The following TENM3 variants were observed in gnomAD, a reference collection of about 807,000 sequenced individuals.
TENM3 encodes the protein teneurin transmembrane protein 3.
In TENM3, 63 loss-of-function variants were observed where a neutral mutation model predicts 255.1. The observed-to-expected ratio is 0.25, with a 90% CI of 0.20 to 0.30. The LOEUF (loss-of-function observed/expected upper bound fraction) is 0.30, where lower values mean the gene tolerates loss of function less well. TENM3 is among the 10% of genes least tolerant of loss of function. The pLI is 1.00. For synonymous variants in TENM3, 1,306 were observed against 1,322.3 expected, an observed-to-expected ratio of 0.99 and a Z score of 0.27; for missense variants, 2,929 against 3,461.1, an observed-to-expected ratio of 0.85 and a Z score of 3.86.
chr4:182,725,017 T>C (rs1760052020), intron 13 of TENM3, among the ~76,000 whole-genome samples: 1 of 151,594 alleles, frequency 6.6e-6, no homozygotes, highest in Non-Finnish European at 1.5e-5. Flanking sequence ...GATGGAAAGG[T>C]TGAGGTTTTA....
chr4:182,407,756 A>T (rs1048148947), intron 3 of TENM3, among the ~76,000 whole-genome samples: 9 of 152,238 alleles, frequency 5.9e-5, no homozygotes, highest in Non-Finnish European at 1.3e-4. Flanking sequence ...TTTAAAAAAG[A>T]CATCCCAATG....
At chr4:182,199,363 A>G (rs772321773) in intron 1 of TENM3, among the ~76,000 whole-genome samples, 2 of 152,162 alleles carry the variant, frequency 1.3e-5, no homozygotes, top group Admixed American at 6.5e-5. Flanking sequence ...CGGAGGTTGC[A>G]GTGAGCCAAG....
chr4:181,448,453 G>A, the TENM3 span, among the ~76,000 whole-genome samples: 1 of 151,918 alleles, frequency 6.6e-6, no homozygotes, highest in African/African-American at 2.4e-5. Context: ...TTACAGGCGT[G>A]AGCCACCGCG....
the TENM3 span, among the ~76,000 whole-genome samples, chr4:181,967,932 T>G: frequency 6.6e-6 from 1 of 152,280 alleles, no homozygotes; most frequent in Non-Finnish European, 1.5e-5. Context: ...GCTTTTCCTT[T>G]GTTGTGAGGC....
the TENM3 span, among the ~76,000 whole-genome samples, chr4:181,701,953 T>C: frequency 6.6e-6 from 1 of 152,182 alleles, no homozygotes; most frequent in African/African-American, 2.4e-5. Context: ...GCTGGGTCCT[T>C]GTCCAGTTTG....
chr4:182,061,051 A>G, the TENM3 span, among the ~76,000 whole-genome samples: 3 of 152,202 alleles, frequency 2.0e-5, no homozygotes, highest in African/African-American at 7.2e-5. Context: ...GAGGTTGCAC[A>G]TACGTGATTC....
chr4:182,103,119 A>T, the TENM3 span, among the ~76,000 whole-genome samples: 1 of 152,272 alleles, frequency 6.6e-6, no homozygotes. Context: ...CATGGGAATT[A>T]CACTAAACTG....
chr4:182,679,972 T>C (rs1175516386), intron 8 of TENM3, 96 bp downstream of exon 8: 7 of 1,124,980 alleles, frequency 6.2e-6, no homozygotes, highest in Non-Finnish European at 7.7e-6. Context: ...GGGTAATTCC[T>C]AGGGTGTTAA....
chr4:182,023,058 T>C, the TENM3 span, among the ~76,000 whole-genome samples: 3 of 152,246 alleles, frequency 2.0e-5, no homozygotes, highest in South Asian at 6.2e-4. Context: ...TATGTACCTT[T>C]GTTTAAGCAG....
At chr4:181,757,243 A>C in the TENM3 span, among the ~76,000 whole-genome samples, 2 of 152,230 alleles carry the variant, frequency 1.3e-5, no homozygotes, top group Admixed American at 6.5e-5. Context: ...CTTCACCAGC[A>C]GCACACCTTC....
At chr4:181,936,482 C>A in the TENM3 span, among the ~76,000 whole-genome samples, 1 of 151,936 alleles carries the variant, frequency 6.6e-6, no homozygotes, top group African/African-American at 2.4e-5. Context: ...TGTGAGTCAT[C>A]TCTTTCGCCT....
chr4:182,482,888 C>T (rs1454212766), intron 3 of TENM3, among the ~76,000 whole-genome samples: 2 of 152,056 alleles, frequency 1.3e-5, no homozygotes, highest in African/African-American at 4.8e-5. Context: ...GAGTGTAGAC[C>T]TTCAATATAT....
chr4:181,939,716 C>G, the TENM3 span, among the ~76,000 whole-genome samples: 1 of 152,190 alleles, frequency 6.6e-6, no homozygotes, highest in Non-Finnish European at 1.5e-5. Context: ...GTGCGGGGCG[C>G]TCAGCACATG....
chr4:181,751,851 C>A, the TENM3 span, among the ~76,000 whole-genome samples: 1 of 152,008 alleles, frequency 6.6e-6, no homozygotes, highest in Admixed American at 6.6e-5. Context: ...TTGTTGGGGA[C>A]GAAGACTGAC....
the TENM3 span, among the ~76,000 whole-genome samples, chr4:182,107,570 A>G: frequency 6.6e-6 from 1 of 152,202 alleles, no homozygotes; most frequent in East Asian, 1.9e-4. Context: ...CTGTCCTGCT[A>G]GTGGCATTGC....
chr4:182,466,560 G>C (rs971886267), intron 3 of TENM3, among the ~76,000 whole-genome samples: 2 of 151,834 alleles, frequency 1.3e-5, no homozygotes, highest in East Asian at 3.9e-4. Flanking sequence ...CTTGACTCCT[G>C]GGCTCAAGCG....
At position 182,555,995 on chromosome 4, in the gene TENM3, C is replaced by T. The variant is rs576055419; in HGVS notation, c.512-44929C>T. ...CTTAATGCAGGAAGTAATATTAGTA[C>T]TTTTTTTGTTGTTTAGTCTCTTTCT... On this transcript the variant is annotated intron_variant, in intron 3 of 27. Coordinates refer to ENST00000511685, the MANE Select transcript of TENM3 (RefSeq NM_001080477.4). Among the ~76,000 whole-genome samples, 19 of 152,158 alleles carry T rather than the reference C, an allele frequency of 1.2e-4. No individual in the cohort carries two copies. The South Asian group carries it at 3.1e-3, about 25-fold the overall frequency.
chr4:181,553,224 T>C, the TENM3 span, among the ~76,000 whole-genome samples: 7 of 151,660 alleles, frequency 4.6e-5, no homozygotes, highest in Non-Finnish European at 8.8e-5. Flanking sequence ...ATTTAAGCTC[T>C]TTACCTGGCA....
chr4:182,417,555 T>C (rs1046656752), intron 3 of TENM3, among the ~76,000 whole-genome samples: 1 of 152,136 alleles, frequency 6.6e-6, no homozygotes, highest in African/African-American at 2.4e-5. Context: ...AAAAAATTCA[T>C]AAAATACATT....
Sources: gnomAD v4.1 joint callset for allele counts (sites outside exome capture counted in the v4.1 genomes callset) on GRCh38, gnomAD v4.1.1 for gene constraint, MANE v1.5 for transcripts, NCBI Gene and HGNC (gene_info 2026-07-23, HGNC 2026-07-21) for gene names.